The following DOCK1 variants were observed in gnomAD, a reference collection of about 807,000 sequenced individuals.
DOCK1 encodes dedicator of cytokinesis 1, also known as dedicator of cytokinesis protein 1.
In DOCK1, 138 loss-of-function variants were observed where a neutral mutation model predicts 262.7. That is an observed-to-expected ratio of 0.53 (90% confidence interval 0.46 to 0.61). DOCK1 has a LOEUF of 0.61. DOCK1 is among the 20% of genes least tolerant of loss of function. The pLI, the probability that DOCK1 is intolerant of heterozygous loss-of-function variation, is 0.00. For synonymous variants in DOCK1, 866 were observed against 867.4 expected, an observed-to-expected ratio of 1.00 and a Z score of 0.03; for missense variants, 1,908 against 2,370.7, an observed-to-expected ratio of 0.80 and a Z score of 4.05.
At chr10:127,067,853 C>G (rs183379838) in intron 23 of DOCK1, among the ~76,000 whole-genome samples, 1 of 151,872 alleles carries the variant, frequency 6.6e-6, no homozygotes, top group African/African-American at 2.4e-5. Context: ...GCCCCAGGCC[C>G]CTGACGCTCA....
intron 20 of DOCK1, among the ~76,000 whole-genome samples, 173 bp from the exon 21 acceptor site, chr10:127,042,890 AC>A (rs948810647): frequency 1.6e-4 from 24 of 152,058 alleles, no homozygotes; most frequent in African/African-American, 5.8e-4. Context: ...TAAATGTAAA[AC>A]TGTAGTTAGG....
At chr10:127,343,835 C>G in intron 31 of DOCK1, 89 bp downstream of exon 31, 1 of 1,078,888 alleles carries the variant, frequency 9.3e-7, no homozygotes, top group Non-Finnish European at 1.3e-6. Context: ...CAACTTGATA[C>G]AAATTGAGAT....
chr10:127,093,241 T>TG (rs57048162), intron 23 of DOCK1, among the ~76,000 whole-genome samples: 1 of 114,410 alleles, frequency 8.7e-6, no homozygotes, highest in Admixed American at 8.8e-5. Context: ...CTTTCTTTCT[T>TG]CTTTTTTTTT....
At chr10:127,336,932 T>C (rs1372123829) in intron 29 of DOCK1, among the ~76,000 whole-genome samples, 1 of 152,220 alleles carries the variant, frequency 6.6e-6, no homozygotes, top group African/African-American at 2.4e-5. Flanking sequence ...TGCAACTGTT[T>C]GGGTGCTATC....
chr10:127,165,416 T>TTATG (rs1440700483), intron 27 of DOCK1, among the ~76,000 whole-genome samples: 1 of 152,202 alleles, frequency 6.6e-6, no homozygotes, highest in Non-Finnish European at 1.5e-5. Context: ...TGATGTCCAG[T>TTATG]TATGAGACTT....
chr10:127,341,421 G>A (rs940051264), intron 30 of DOCK1, among the ~76,000 whole-genome samples: 3 of 152,138 alleles, frequency 2.0e-5, no homozygotes, highest in Non-Finnish European at 4.4e-5. Flanking sequence ...AGATAGCTGA[G>A]TTTCTCTTTT....
chr10:126,998,270 G>T (rs1249377922), intron 8 of DOCK1, 21 bp downstream of exon 8: 2 of 1,613,108 alleles, frequency 1.2e-6, no homozygotes, highest in East Asian at 2.2e-5. Context: ...TTTCTTGGCT[G>T]CCGTCTTTCC....
At chr10:127,051,241 T>C (rs1463743074) in intron 21 of DOCK1, among the ~76,000 whole-genome samples, 1 of 152,022 alleles carries the variant, frequency 6.6e-6, no homozygotes, top group Non-Finnish European at 1.5e-5. Flanking sequence ...AGTATAGTAG[T>C]CATTGTGTTT....
Position 127,012,960 on chromosome 10 carries a change from G to A in DOCK1, c.1201+586G>A, listed in dbSNP as rs531656482. Among the ~76,000 whole-genome samples, 21 of 152,184 alleles carry A rather than the reference G, an allele frequency of 1.4e-4. No individual in the cohort carries two copies. Among genetic ancestry groups the A allele is most frequent in the Non-Finnish European group, 2.8e-4 (19 of 68,044 alleles). ...CTGAGGCCCCGCCTCCAGCCCAAGG[G>A]GAAGTCACCTTCAGAACTTGACCGT... On this transcript the variant is annotated intron_variant, in intron 12 of 51. Transcript: ENST00000623213. The surrounding 1 kb of genome is among the most constrained non-coding windows in gnomAD (Gnocchi z 4.0).
chr10:126,927,636 C>G (rs2033851910), intron 1 of DOCK1, among the ~76,000 whole-genome samples: 1 of 152,136 alleles, frequency 6.6e-6, no homozygotes, highest in African/African-American at 2.4e-5. Flanking sequence ...GGGGTTTCAT[C>G]TTGTTGGTCG....
chr10:126,905,858 G>T (rs2030667471), intron 1 of DOCK1, among the ~76,000 whole-genome samples: 1 of 151,976 alleles, frequency 6.6e-6, no homozygotes, highest in Non-Finnish European at 1.5e-5. Flanking sequence ...CGCTCCTCTG[G>T]ACCTCTGCCG....
intron 29 of DOCK1, among the ~76,000 whole-genome samples, chr10:127,300,652 G>C (rs2061648413): frequency 6.6e-6 from 1 of 152,178 alleles, no homozygotes. Context: ...GAGATGCCTG[G>C]TTGATCCATC....
chr10:127,111,732 A>AT (rs1443650754), intron 25 of DOCK1, among the ~76,000 whole-genome samples: 1 of 152,176 alleles, frequency 6.6e-6, no homozygotes, highest in Non-Finnish European at 1.5e-5. Flanking sequence ...GCTCCTAACC[A>AT]TTCAATGCCA....
intron 38 of DOCK1, among the ~76,000 whole-genome samples, chr10:127,400,640 AG>A (rs780652092): frequency 1.1e-4 from 16 of 152,350 alleles, no homozygotes; most frequent in Middle Eastern, 3.4e-3. Context: ...CCACCTGACA[AG>A]GTGATTGGAG....
At chr10:127,167,789 G>A (rs1397217614) in intron 27 of DOCK1, among the ~76,000 whole-genome samples, 1 of 151,784 alleles carries the variant, frequency 6.6e-6, no homozygotes, top group Non-Finnish European at 1.5e-5. Context: ...AAAGCTTCAT[G>A]TCTCCATTTA....
intron 1 of DOCK1, among the ~76,000 whole-genome samples, chr10:126,939,936 G>C (rs1362910816): frequency 6.6e-6 from 1 of 152,200 alleles, no homozygotes; most frequent in Non-Finnish European, 1.5e-5. Context: ...CTACCTTGTT[G>C]CCTGAATAGG....
intron 38 of DOCK1, among the ~76,000 whole-genome samples, chr10:127,394,773 CCA>C (rs1427037666): frequency 6.6e-6 from 1 of 152,156 alleles, no homozygotes. Context: ...CACCCAAAGC[CCA>C]CAGTGTGCCC....
rs2065368813 is a variant in DOCK1 at position 127,374,353 on chromosome 10, TCTG to T, written c.3675+144_3675+146del. On this transcript the variant is annotated intron_variant, in intron 35 of 51. Transcript: ENST00000623213. ...ACAATCTCCTTCGCTTGTTTCCTCA[TCTG>T]CTGCAGGGAAGGAATCATGAAGTCG... 3 of 1,162,714 alleles carry T rather than the reference TCTG, an allele frequency of 2.6e-6. No homozygotes were observed. The South Asian group carries it at 5.5e-5, about 21-fold the overall frequency. 72.0% of individuals were successfully genotyped at this position (1,162,714 alleles called of 1,614,324 possible).
intron 29 of DOCK1, among the ~76,000 whole-genome samples, chr10:127,306,697 A>G (rs962677525): frequency 6.6e-6 from 1 of 152,190 alleles, no homozygotes; most frequent in African/African-American, 2.4e-5. Context: ...TTCTGTTTAT[A>G]CTGACTACAT....
Sources: gnomAD v4.1 joint callset for allele counts (sites outside exome capture counted in the v4.1 genomes callset) on GRCh38, gnomAD v4.1.1 for gene constraint, Gnocchi (gnomAD v3.1) non-coding constraint, MANE v1.5 for transcripts, NCBI Gene and HGNC (gene_info 2026-07-23, HGNC 2026-07-21) for gene names.